Variants in PTPRT observed in about 807,000 individuals in gnomAD.
PTPRT encodes protein tyrosine phosphatase receptor type T, also known as receptor-type tyrosine-protein phosphatase T.
A neutral mutation model predicts 176.8 loss-of-function variants in PTPRT; 56 were observed. The ratio of observed to expected loss-of-function variants is 0.32; its 90% CI spans 0.26 to 0.40. PTPRT has a LOEUF of 0.40. PTPRT is among the 10% of genes least tolerant of loss of function. PTPRT has a pLI of 1.00. For missense variants in PTPRT, 1,540 were observed against 1,908.2 expected (o/e 0.81, Z 3.60); for synonymous variants, 783 against 739.0 (o/e 1.06, Z -0.96).
In PTPRT at chr20:42,118,648, C is replaced by T. The variant is rs933412085; in HGVS notation, c.2885-148G>A. The T allele has an allele frequency of 4.4e-5, 25 of 568,102 alleles. 1 individual carries two copies. The highest frequency in any genetic ancestry group is 3.2e-4 in the South Asian group (14 of 44,298). 35.2% of individuals were successfully genotyped at this position (568,102 alleles called of 1,614,324 possible). On this transcript the variant is annotated intron_variant, in intron 20 of 30. Coordinates refer to ENST00000373187, the MANE Select transcript of PTPRT (RefSeq NM_007050.6). ...GTTAAGACACCAAGTATCTGAGACA[C>T]GGGCCTGAGACATGTGAGCCTGATG...
chr20:42,095,088 C>T (rs1985061521), intron 27 of PTPRT, among the ~76,000 whole-genome samples: 1 of 152,040 alleles, frequency 6.6e-6, no homozygotes. Flanking sequence ...TTGGCTTTAC[C>T]TTCAGAATCT....
At chr20:42,869,256 C>T (rs1016829184) in intron 2 of PTPRT, among the ~76,000 whole-genome samples, 1 of 152,144 alleles carries the variant, frequency 6.6e-6, no homozygotes. Flanking sequence ...AGACCTCAGA[C>T]CTGTAGAGCC....
intron 12 of PTPRT, among the ~76,000 whole-genome samples, chr20:42,294,927 A>G (rs1320054606): frequency 1.3e-5 from 2 of 152,156 alleles, no homozygotes; most frequent in Non-Finnish European, 2.9e-5. Context: ...CCCAACAAAG[A>G]CAACAGAAAT....
chr20:43,184,718 T>C (rs558506855), intron 1 of PTPRT, among the ~76,000 whole-genome samples: 1 of 151,852 alleles, frequency 6.6e-6, no homozygotes, highest in Non-Finnish European at 1.5e-5. Flanking sequence ...ATGATCACCA[T>C]GCCTCACTGA....
chr20:42,905,308 A>C (rs1330150570), intron 1 of PTPRT, among the ~76,000 whole-genome samples: 1 of 152,262 alleles, frequency 6.6e-6, no homozygotes. Flanking sequence ...CAACAGACAC[A>C]TGAAAAAATG....
chr20:42,105,008 C>T (rs1483160365), intron 24 of PTPRT, among the ~76,000 whole-genome samples: 1 of 152,144 alleles, frequency 6.6e-6, no homozygotes, highest in Non-Finnish European at 1.5e-5. Context: ...CAGCCCATGT[C>T]CCCTCAGCTT....
At chr20:42,532,559 G>T (rs1030339651) in intron 7 of PTPRT, among the ~76,000 whole-genome samples, 3 of 152,152 alleles carry the variant, frequency 2.0e-5, no homozygotes, top group African/African-American at 7.2e-5. Flanking sequence ...GCACCACCAT[G>T]ACTTGTTAAC....
chr20:42,992,521 A>G (rs1440920862), intron 1 of PTPRT, among the ~76,000 whole-genome samples: 4 of 152,220 alleles, frequency 2.6e-5, no homozygotes, highest in Non-Finnish European at 2.9e-5. Flanking sequence ...AGGAGCAGAA[A>G]AAGGAGTTAG....
At chr20:42,374,372 G>T (rs542371236) in intron 9 of PTPRT, among the ~76,000 whole-genome samples, 23 of 152,330 alleles carry the variant, frequency 1.5e-4, no homozygotes, top group African/African-American at 5.5e-4. Flanking sequence ...GTGGCTAGTT[G>T]TTTGATCTCT....
At chr20:43,097,930 G>A (rs949746832) in intron 1 of PTPRT, among the ~76,000 whole-genome samples, 1 of 152,164 alleles carries the variant, frequency 6.6e-6, no homozygotes, top group Non-Finnish European at 1.5e-5. Flanking sequence ...ATGGATGCAA[G>A]ATGCAAGTGC....
At chr20:42,958,871 A>G (rs1981827840) in intron 1 of PTPRT, among the ~76,000 whole-genome samples, 1 of 152,182 alleles carries the variant, frequency 6.6e-6, no homozygotes, top group Non-Finnish European at 1.5e-5. Context: ...CTGCCTCTGC[A>G]GCCTTAATAT....
intron 1 of PTPRT, among the ~76,000 whole-genome samples, chr20:43,172,568 CTT>C (rs1320314960): frequency 2.0e-5 from 3 of 152,204 alleles, no homozygotes; most frequent in Non-Finnish European, 4.4e-5. Context: ...GCCACGCACT[CTT>C]ATGTTTTCTT....
intron 1 of PTPRT, among the ~76,000 whole-genome samples, chr20:43,176,380 C>T (rs1277663038): frequency 6.6e-6 from 1 of 152,286 alleles, no homozygotes; most frequent in African/African-American, 2.4e-5. Context: ...TAGCTCACTG[C>T]AGCCGCAAAC....
At chr20:42,712,199 G>A (rs73907244) in intron 6 of PTPRT, among the ~76,000 whole-genome samples, 7,879 of 152,124 alleles carry the variant, frequency 0.052, 640 homozygotes, top group African/African-American at 0.17. Flanking sequence ...ACAGGCTCCC[G>A]AAGAGGTCCA....
chr20:42,233,423 T>G (rs1177893475), intron 15 of PTPRT, among the ~76,000 whole-genome samples: 1 of 152,178 alleles, frequency 6.6e-6, no homozygotes, highest in Admixed American at 6.5e-5. Flanking sequence ...ATGACTTAGC[T>G]TCTCAGAGCA....
At chr20:42,431,224 T>A (rs150348985) in intron 9 of PTPRT, among the ~76,000 whole-genome samples, 2 of 152,326 alleles carry the variant, frequency 1.3e-5, no homozygotes, top group East Asian at 3.9e-4. Flanking sequence ...ATTTCAGAGG[T>A]TAATTTGCCC....
rs146806885 is a variant in PTPRT at position 42,242,994 on chromosome 20, G to C, written c.2312+5693C>G. On this transcript the variant is annotated intron_variant, in intron 14 of 30. Transcript: ENST00000373187. ...TCATGCAATAGGGCTATAGAGGTCTGACCCAGGGAAAAGACAATGGAGGAA... is the reference window on the plus strand; with the variant it reads ...TCATGCAATAGGGCTATAGAGGTCTCACCCAGGGAAAAGACAATGGAGGAA... Among the ~76,000 whole-genome samples, 287 of 137,856 alleles carry C rather than the reference G, an allele frequency of 2.1e-3. 1 individual carries two copies. Among genetic ancestry groups the C allele is most frequent in the African/African-American group, 7.1e-3 (269 of 38,020 alleles). 90.4% of individuals were successfully genotyped at this position (137,856 alleles called of 152,430 possible).
chr20:42,807,550 T>C (rs1379077190), intron 2 of PTPRT, among the ~76,000 whole-genome samples: 1 of 152,084 alleles, frequency 6.6e-6, no homozygotes, highest in Non-Finnish European at 1.5e-5. Context: ...TTCTTGGGAT[T>C]TTCTGGTTAT....
At chr20:42,964,761 A>G (rs959163152) in intron 1 of PTPRT, among the ~76,000 whole-genome samples, 3 of 152,228 alleles carry the variant, frequency 2.0e-5, no homozygotes, top group African/African-American at 7.2e-5. Flanking sequence ...CCATCACCAG[A>G]TAATTTTTAA....
Sources: allele counts gnomAD v4.1 joint callset (sites outside exome capture counted in the v4.1 genomes callset), GRCh38; gene constraint gnomAD v4.1.1; transcripts MANE v1.5; gene names NCBI Gene and HGNC (gene_info 2026-07-23, HGNC 2026-07-21).